IQSEC1: variants seen among roughly 807,000 people sequenced by gnomAD.
IQSEC1 encodes the protein IQ motif and SEC7 domain-containing protein 1.
In IQSEC1, 31 loss-of-function variants were observed where a neutral mutation model predicts 91.0. The ratio of observed to expected loss-of-function variants is 0.34; its 90% CI spans 0.26 to 0.46. The LOEUF (loss-of-function observed/expected upper bound fraction) is 0.46. IQSEC1 is among the 20% of genes least tolerant of loss of function. The pLI is 1.00. For synonymous variants in IQSEC1, 699 were observed against 662.6 expected (o/e 1.05, Z -0.84); for missense variants, 1,388 against 1,575.6 (o/e 0.88, Z 2.02).
At chr3:13,029,468 G>C (rs749594881) in intron 1 of IQSEC1, among the ~76,000 whole-genome samples, 2 of 152,230 alleles carry the variant, frequency 1.3e-5, no homozygotes, top group Non-Finnish European at 2.9e-5. Flanking sequence ...GGCTGGCTTG[G>C]AAGTCTTTCT....
rs183221069 is a variant in IQSEC1 at position 13,157,823 on chromosome 3, G to A, written c.302+6281C>T. Reference sequence around the variant, plus strand: ...GAAATGGATGTTAACTGAATGCTATGACATGGCATGTGCTGTTCCATCTAT... The same window carrying A: ...GAAATGGATGTTAACTGAATGCTATAACATGGCATGTGCTGTTCCATCTAT... On this transcript the variant is annotated intron_variant, in intron 2 of 15. Transcript: ENST00000648114. Among the ~76,000 whole-genome samples the A allele has an allele frequency of 5.1e-4, 77 of 152,358 alleles. 1 individual carries two copies. The highest frequency in any genetic ancestry group is 1.8e-3 in the African/African-American group (76 of 41,586).
chr3:13,127,511 G>T (rs921119976), intron 2 of IQSEC1, among the ~76,000 whole-genome samples: 1 of 151,856 alleles, frequency 6.6e-6, no homozygotes, highest in African/African-American at 2.4e-5. Context: ...ATATCATACT[G>T]TCTTGATTAT....
chr3:13,206,635 GTA>G (rs1422679660), intron 1 of IQSEC1, among the ~76,000 whole-genome samples: 1 of 151,930 alleles, frequency 6.6e-6, no homozygotes, highest in Non-Finnish European at 1.5e-5. Flanking sequence ...TTTAAAAATC[GTA>G]TGCATTATAT....
chr3:13,138,511 G>T (rs1242542946), intron 2 of IQSEC1, among the ~76,000 whole-genome samples: 1 of 152,110 alleles, frequency 6.6e-6, no homozygotes, highest in African/African-American at 2.4e-5. Flanking sequence ...TATCTGTCCA[G>T]GCTGTCCTAC....
At chr3:13,066,649 C>A (rs1431788052) in intron 1 of IQSEC1, among the ~76,000 whole-genome samples, 1 of 152,206 alleles carries the variant, frequency 6.6e-6, no homozygotes, top group African/African-American at 2.4e-5. Context: ...GGGCCTCAGG[C>A]CCCAGAGCGG....
intron 1 of IQSEC1, among the ~76,000 whole-genome samples, chr3:13,191,259 G>A (rs890738572): frequency 4.6e-5 from 7 of 152,172 alleles, no homozygotes; most frequent in African/African-American, 1.7e-4. Flanking sequence ...TGGGCTGTCC[G>A]CCCGATTCCT....
intron 1 of IQSEC1, among the ~76,000 whole-genome samples, chr3:13,189,843 C>G (rs985633671): frequency 6.6e-6 from 1 of 152,230 alleles, no homozygotes; most frequent in African/African-American, 2.4e-5. Flanking sequence ...TGTGAGCTGT[C>G]CCCACACCCC....
At chr3:13,158,038 A>G (rs969096528) in intron 2 of IQSEC1, among the ~76,000 whole-genome samples, 2 of 152,236 alleles carry the variant, frequency 1.3e-5, no homozygotes, top group Admixed American at 1.3e-4. Context: ...GCTGTTGCAT[A>G]GTGACATGAG....
intron 2 of IQSEC1, among the ~76,000 whole-genome samples, chr3:13,140,657 C>T (rs1378183578): frequency 6.6e-6 from 1 of 152,214 alleles, no homozygotes; most frequent in Admixed American, 6.5e-5. Context: ...GGGCAATAAA[C>T]AAGAGCTGAG....
In IQSEC1 at chr3:13,064,000, GTA is replaced by G. The variant is rs765958610; in HGVS notation, c.23+8990_23+8991del. On this transcript the variant is annotated intron_variant, in intron 1 of 13. Coordinates refer to ENST00000613206, the MANE Select transcript of IQSEC1 (RefSeq NM_001134382.3). ...GATAATCGTAGATTCATTTGCAGTTGTAAAAAAAAAAAAAACAAAAAACAATA... is the reference window on the plus strand; with the variant it reads ...GATAATCGTAGATTCATTTGCAGTTGAAAAAAAAAAAAACAAAAAACAATA... 5.6e-4 allele frequency among the ~76,000 whole-genome samples: 60 copies of G among 107,078 alleles called. 1 individual carries two copies. The highest frequency in any genetic ancestry group is 1.5e-3 in the African/African-American group (53 of 35,396). 70.2% of individuals were successfully genotyped at this position (107,078 alleles called of 152,430 possible). A position where few individuals can be genotyped will look rare whatever the true frequency, so the allele number is the denominator to read the frequency against.
chr3:13,070,987 G>T (rs1705396660), intron 1 of IQSEC1, among the ~76,000 whole-genome samples: 1 of 152,144 alleles, frequency 6.6e-6, no homozygotes, highest in African/African-American at 2.4e-5. Flanking sequence ...ACTGCAATTG[G>T]ATAGGCTTGG....
chr3:12,921,986 C>G lies in IQSEC1; in HGVS notation c.1853+134G>C, dbSNP rs920980391. 10 of 1,156,430 alleles carry G rather than the reference C, an allele frequency of 8.6e-6. No homozygotes were observed. The African/African-American group carries it at 1.4e-4, about 16-fold the overall frequency. The allele number at this position is 1,156,430 out of a possible 1,614,324, so 71.6% of individuals were successfully genotyped here. A position where few individuals can be genotyped will look rare whatever the true frequency, so the allele number is the denominator to read the frequency against. On this transcript the variant is annotated intron_variant, in intron 5 of 13. Coordinates refer to ENST00000613206, the MANE Select transcript of IQSEC1 (RefSeq NM_001134382.3). ...GTAGGAGGAGCCAGTACGATCACCC[C>G]CAAAGCAACATTCAGGGACACCTGG...
At chr3:13,126,822 T>C (rs1706520369) in intron 2 of IQSEC1, among the ~76,000 whole-genome samples, 1 of 152,258 alleles carries the variant, frequency 6.6e-6, no homozygotes. Flanking sequence ...GCAAAAGTTT[T>C]CAATTTTTAT....
chr3:12,921,429 C>T (rs1321984785), intron 5 of IQSEC1, among the ~76,000 whole-genome samples: 1 of 152,188 alleles, frequency 6.6e-6, no homozygotes, highest in Non-Finnish European at 1.5e-5. Context: ...CCACACCCAG[C>T]ACCAAACATG....
chr3:12,933,730 C>T (rs559940206), intron 3 of IQSEC1, among the ~76,000 whole-genome samples: 1 of 152,294 alleles, frequency 6.6e-6, no homozygotes, highest in Non-Finnish European at 1.5e-5. Context: ...GTCTAGAGTT[C>T]CTAGAAGTGC....
chr3:12,939,480 A>G (rs1180542498), intron 2 of IQSEC1, among the ~76,000 whole-genome samples: 2 of 152,214 alleles, frequency 1.3e-5, no homozygotes, highest in African/African-American at 4.8e-5. Context: ...TTTCACTAAA[A>G]TGGACTCTGT....
intron 1 of IQSEC1, among the ~76,000 whole-genome samples, chr3:12,949,668 C>T (rs1481555255): frequency 1.3e-5 from 2 of 152,150 alleles, no homozygotes; most frequent in Non-Finnish European, 2.9e-5. Flanking sequence ...GTTAGTCACC[C>T]AGAGGAAGGA....
intron 1 of IQSEC1, among the ~76,000 whole-genome samples, chr3:13,024,371 C>CTCCATCCATCCA (rs55811710): frequency 2.8e-5 from 4 of 141,952 alleles, no homozygotes; most frequent in African/African-American, 1.1e-4. Context: ...CCATCCATCA[C>CTCCATCCATCCA]TCCATCCATC....
In IQSEC1 at chr3:12,913,452, G is replaced by A. The variant is rs1433637916; in HGVS notation, c.2292C>T (p.Ile764=). ...PQKLGLHQRE[I]FLFNDLLVVT... ...CCACCAGGAGGTCGTTGAACAGGAA[G>A]ATTTCTCGCTGGTGTAGTCCGAGTT... The change falls in exon 9 of 14, where the codon ATC becomes ATT. Residue 764 remains isoleucine (I), a synonymous_variant. Coordinates refer to ENST00000613206, the MANE Select transcript of IQSEC1 (RefSeq NM_001134382.3). 6.2e-7 allele frequency: 1 copy of A among 1,603,802 alleles called. No individual in the cohort carries two copies. Among genetic ancestry groups the A allele is most frequent in the Non-Finnish European group, 8.5e-7 (1 of 1,173,932 alleles).
Sources: allele counts gnomAD v4.1 joint callset (sites outside exome capture counted in the v4.1 genomes callset), GRCh38; gene constraint gnomAD v4.1.1; transcripts MANE v1.5; gene names NCBI Gene and HGNC (gene_info 2026-07-23, HGNC 2026-07-21).